GRIN2B: variants seen among roughly 807,000 people sequenced by gnomAD.
GRIN2B encodes the protein glutamate ionotropic receptor NMDA type subunit 2B, also known as glutamate receptor ionotropic, NMDA 2B.
Under a neutral mutation model 114.5 loss-of-function variants are expected in GRIN2B, and 5 were observed. That is an observed-to-expected ratio of 0.04 (90% CI 0.02 to 0.09). GRIN2B has a LOEUF of 0.09. Among genes scored for constraint, GRIN2B ranks in the 10% least tolerant of loss-of-function variants. The pLI, the probability that GRIN2B is intolerant of heterozygous loss-of-function variation, is 1.00. For synonymous variants in GRIN2B, 787 were observed against 745.1 expected, an observed-to-expected ratio of 1.06 and a Z score of -0.92; for missense variants, 1,108 against 1,943.5, an observed-to-expected ratio of 0.57 and a Z score of 8.08.
intron 2 of GRIN2B, among the ~76,000 whole-genome samples, chr12:13,875,848 A>G (rs1416003180): frequency 6.6e-6 from 1 of 152,240 alleles, no homozygotes; most frequent in Admixed American, 6.5e-5. Flanking sequence ...CATTTGATAA[A>G]TGTTTGTTGA....
At chr12:13,711,882 A>T (rs1178251655) in intron 4 of GRIN2B, among the ~76,000 whole-genome samples, 1 of 152,162 alleles carries the variant, frequency 6.6e-6, no homozygotes, top group Non-Finnish European at 1.5e-5. Context: ...TACTGGGTAT[A>T]TACCCAAAAG....
intron 4 of GRIN2B, among the ~76,000 whole-genome samples, chr12:13,733,680 T>C (rs2136607360): frequency 6.6e-6 from 1 of 152,262 alleles, no homozygotes; most frequent in South Asian, 2.1e-4. Flanking sequence ...TTGGCTGCTG[T>C]ATAATATTGT....
chr12:13,978,956 T>C (rs541590530), intron 2 of GRIN2B, among the ~76,000 whole-genome samples: 1 of 152,356 alleles, frequency 6.6e-6, no homozygotes, highest in South Asian at 2.1e-4. Context: ...AGGGAAAATG[T>C]TAAAGTATTA....
At chr12:13,881,500 A>C (rs140801334) in intron 2 of GRIN2B, among the ~76,000 whole-genome samples, 1 of 152,256 alleles carries the variant, frequency 6.6e-6, no homozygotes, top group Non-Finnish European at 1.5e-5. Context: ...CTCTTCCTTA[A>C]CTAGAAGAAA....
Position 13,542,680 on chromosome 12 carries a change from C to T in GRIN2B, c.*20103G>A, listed in dbSNP as rs1565442386. On this transcript the variant is annotated 3_prime_UTR_variant, in exon 14 of 14. Transcript: ENST00000609686. ...CCCCCAGTCCCTCTTATCACTTGGA[C>T]TTTCATCCCCAGATACCCATGCACA... The T allele has an allele frequency of 6.6e-6, 1 of 152,290 alleles. No homozygotes were observed. The allele number at this position is 152,290 out of a possible 1,614,324, so 9.4% of individuals were successfully genotyped here. A position where few individuals can be genotyped will look rare whatever the true frequency, so the allele number is the denominator to read the frequency against.
intron 10 of GRIN2B, among the ~76,000 whole-genome samples, chr12:13,587,359 GT>G (rs1948942937): frequency 1.3e-5 from 1 of 78,346 alleles, no homozygotes; most frequent in Non-Finnish European, 2.8e-5. Flanking sequence ...TTTTTTTTTT[GT>G]ATTGTTTTTG....
intron 3 of GRIN2B, among the ~76,000 whole-genome samples, chr12:13,841,435 T>C (rs1865377481): frequency 6.6e-6 from 1 of 152,182 alleles, no homozygotes; most frequent in Non-Finnish European, 1.5e-5. Context: ...CACAGTACAT[T>C]GATCACTTCC....
chr12:13,564,532 C>T lies in GRIN2B; in HGVS notation c.2706G>A (p.Leu902=). 6.2e-7 allele frequency: 1 copy of T among 1,614,154 alleles called. No homozygotes were observed. The highest frequency in any genetic ancestry group is 8.5e-7 in the Non-Finnish European group (1 of 1,180,008). ...GGTTAGCCATGTTCTTGGCCGTGCG[C>T]AGCAGGCGCAGGATGTTGGAGTGTG... ...NNTHSNILRL[L]RTAKNMANLS... The change falls in exon 14 of 14, where the codon CTG becomes CTA. Residue 902 remains leucine, a synonymous_variant. Coordinates refer to ENST00000609686, the MANE Select transcript of GRIN2B (RefSeq NM_000834.5). The surrounding 1 kb of genome is among the most constrained non-coding windows in gnomAD (Gnocchi z 4.8).
intron 2 of GRIN2B, among the ~76,000 whole-genome samples, chr12:13,872,532 C>T (rs1446249399): frequency 2.6e-5 from 4 of 151,696 alleles, no homozygotes; most frequent in South Asian, 2.1e-4. Flanking sequence ...TGATCAATTG[C>T]GGTTTATATC....
chr12:13,758,715 T>G (rs1209123541), intron 3 of GRIN2B, among the ~76,000 whole-genome samples: 7 of 152,190 alleles, frequency 4.6e-5, no homozygotes, highest in Non-Finnish European at 2.9e-5. Flanking sequence ...CTTTTAGGTA[T>G]GTTATCTTTT....
intron 4 of GRIN2B, among the ~76,000 whole-genome samples, chr12:13,714,223 C>T (rs1242926929): frequency 1.3e-5 from 2 of 151,738 alleles, no homozygotes; most frequent in African/African-American, 2.4e-5. Flanking sequence ...GATGTAAGTC[C>T]ACACTGAGGC....
intron 4 of GRIN2B, among the ~76,000 whole-genome samples, chr12:13,719,164 G>A (rs1950486463): frequency 6.6e-6 from 1 of 151,998 alleles, no homozygotes. Context: ...GTATCCAACA[G>A]AGTAGACTGC....
chr12:13,747,179 G>T (rs1176434277), intron 4 of GRIN2B, among the ~76,000 whole-genome samples: 1 of 152,200 alleles, frequency 6.6e-6, no homozygotes, highest in African/African-American at 2.4e-5. Flanking sequence ...TTAAATCTTA[G>T]AAGTCAGCCG....
At chr12:13,755,287 A>G (rs1410108660) in intron 3 of GRIN2B, among the ~76,000 whole-genome samples, 1 of 152,196 alleles carries the variant, frequency 6.6e-6, no homozygotes, top group Admixed American at 6.5e-5. Flanking sequence ...ATTGAAAAAA[A>G]TACAGGTTGG....
intron 2 of GRIN2B, among the ~76,000 whole-genome samples, chr12:13,910,543 A>G (rs1486822067): frequency 1.3e-5 from 2 of 152,134 alleles, no homozygotes; most frequent in Non-Finnish European, 2.9e-5. Context: ...TCTCTTTGCC[A>G]CTGCTTTGGC....
At chr12:13,799,278 T>G (rs1292358676) in intron 3 of GRIN2B, among the ~76,000 whole-genome samples, 1 of 152,164 alleles carries the variant, frequency 6.6e-6, no homozygotes, top group Non-Finnish European at 1.5e-5. Flanking sequence ...ACTAAACACA[T>G]TCTGCCTCTC....
At chr12:13,871,381 A>G (rs1377168825) in intron 2 of GRIN2B, among the ~76,000 whole-genome samples, 1 of 114,508 alleles carries the variant, frequency 8.7e-6, no homozygotes, top group Non-Finnish European at 1.9e-5. Flanking sequence ...CCAAAATCTT[A>G]AAAAAAAAAA....
chr12:13,822,311 G>T (rs1390824283), intron 3 of GRIN2B, among the ~76,000 whole-genome samples: 1 of 152,144 alleles, frequency 6.6e-6, no homozygotes, highest in Non-Finnish European at 1.5e-5. Flanking sequence ...TATCCCTAAG[G>T]TAGGTCCACC....
chr12:13,950,260 T>C (rs1867456930), intron 2 of GRIN2B, among the ~76,000 whole-genome samples: 1 of 152,170 alleles, frequency 6.6e-6, no homozygotes, highest in African/African-American at 2.4e-5. Context: ...TTAAACAGAG[T>C]AGATGAATCA....
Sources: allele counts gnomAD v4.1 joint callset (sites outside exome capture counted in the v4.1 genomes callset), GRCh38; gene constraint gnomAD v4.1.1; non-coding constraint Gnocchi (gnomAD v3.1); transcripts MANE v1.5; gene names NCBI Gene and HGNC (gene_info 2026-07-23, HGNC 2026-07-21).